ZNF346: variants seen among roughly 807,000 people sequenced by gnomAD.
ZNF346 encodes zinc finger protein 346, also known as double-stranded RNA-binding zinc finger protein JAZ.
Under a neutral mutation model 33.7 loss-of-function variants are expected in ZNF346, and 23 were observed. The ratio of observed to expected loss-of-function variants is 0.68; its 90% confidence interval spans 0.49 to 0.97. The LOEUF (loss-of-function observed/expected upper bound fraction) is 0.97, where lower values mean the gene tolerates loss of function less well. Among genes scored for constraint, ZNF346 ranks in the 50% least tolerant of loss-of-function variants. The pLI, the probability that ZNF346 is intolerant of heterozygous loss-of-function variation, is 0.00. For synonymous variants in ZNF346, 134 were observed against 142.4 expected (o/e 0.94, Z 0.42); for missense variants, 340 against 371.1 (o/e 0.92, Z 0.69).
intron 6 of ZNF346, 42 bp downstream of exon 6, chr5:177,062,193 G>A (rs200697426): frequency 3.2e-5 from 50 of 1,541,016 alleles, no homozygotes; most frequent in Non-Finnish European, 4.4e-5. Flanking sequence ...CATAGCAGGA[G>A]CTCAGGACTT....
At chr5:177,030,854 G>A (rs1777578639) in intron 1 of ZNF346, among the ~76,000 whole-genome samples, 1 of 150,274 alleles carries the variant, frequency 6.7e-6, no homozygotes, top group South Asian at 2.1e-4. Flanking sequence ...CATGTAAATA[G>A]AATTGTATAA....
At chr5:177,072,791 G>A (rs1783567060), downstream of ZNF346, among the ~76,000 whole-genome samples, 1 of 151,240 alleles carries the variant, frequency 6.6e-6, no homozygotes, top group Non-Finnish European at 1.5e-5. Context: ...GGAGGTTGCA[G>A]TGAGCCGAGA....
At chr5:177,072,375 CCTT>C (rs1407795998), downstream of ZNF346, among the ~76,000 whole-genome samples, 1 of 152,194 alleles carries the variant, frequency 6.6e-6, no homozygotes, top group African/African-American at 2.4e-5. Flanking sequence ...GCTCCACAGC[CCTT>C]CTTTTCCTTT....
intron 3 of ZNF346, among the ~76,000 whole-genome samples, chr5:177,042,584 G>A (rs1779476017): frequency 1.3e-5 from 2 of 152,156 alleles, no homozygotes; most frequent in African/African-American, 4.8e-5. Flanking sequence ...CAATAAATAA[G>A]AGTTTACTCT....
At chr5:177,033,800 G>C (rs553305941) in intron 1 of ZNF346, among the ~76,000 whole-genome samples, 6 of 152,222 alleles carry the variant, frequency 3.9e-5, no homozygotes, top group African/African-American at 1.4e-4. Context: ...TAGGATTACA[G>C]GCGTGAGCCA....
intron 4 of ZNF346, among the ~76,000 whole-genome samples, chr5:177,050,289 G>C (rs1378086740): frequency 1.3e-5 from 2 of 152,164 alleles, no homozygotes; most frequent in East Asian, 3.8e-4. Context: ...TCCCAGCTCT[G>C]CAACTGTATT....
At chr5:177,028,141 A>G (rs1247567254) in intron 1 of ZNF346, among the ~76,000 whole-genome samples, 1 of 130,858 alleles carries the variant, frequency 7.6e-6, no homozygotes, top group South Asian at 2.3e-4. Context: ...GGTTCAAGCA[A>G]TTCTCCTGCC....
At chr5:177,047,031 T>TA (rs1491559053) in intron 4 of ZNF346, among the ~76,000 whole-genome samples, 6 of 50,350 alleles carry the variant, frequency 1.2e-4, no homozygotes, top group African/African-American at 6.5e-4. Context: ...TTTATTTATT[T>TA]TTATTTATTT....
chr5:177,060,258 C>G (rs1456511841), intron 5 of ZNF346, among the ~76,000 whole-genome samples: 1 of 152,246 alleles, frequency 6.6e-6, no homozygotes, highest in East Asian at 1.9e-4. Flanking sequence ...CACGGCGGCT[C>G]ACGCCTATAA....
chr5:177,050,910 C>T lies in ZNF346; in HGVS notation c.677C>T (p.Ala226Val), dbSNP rs556850923. Residue 226 changes from alanine to valine, a missense_variant, in exon 5 of 7, where the codon GCG becomes GTG. Transcript: ENST00000358149. ...CTAATGGCACGCTATGGGCGGCTGG[C>T]GGACCCTGCTGTCACTGACTTTCCA... Reference protein sequence around the residue: ...LKLMARYGRLADPAVTDFPAG... With the variant: ...LKLMARYGRLVDPAVTDFPAG... 2.5e-5 allele frequency: 40 copies of T among 1,614,150 alleles called. No individual in the cohort carries two copies. The highest frequency in any genetic ancestry group is 4.5e-5 in the East Asian group (2 of 44,882).
At chr5:177,053,130 A>G (rs1256812607) in intron 5 of ZNF346, among the ~76,000 whole-genome samples, 2 of 152,184 alleles carry the variant, frequency 1.3e-5, no homozygotes, top group African/African-American at 2.4e-5. Context: ...ATCCTGGCCA[A>G]TATGGTGAAA....
At position 177,044,549 on chromosome 5, in the gene ZNF346, A is replaced by G. The variant is rs757204257; in HGVS notation, c.517+16A>G. 1.2e-6 allele frequency: 2 copies of G among 1,613,082 alleles called. No individual in the cohort carries two copies. Among genetic ancestry groups the G allele is most frequent in the Non-Finnish European group, 1.7e-6 (2 of 1,179,846 alleles). On this transcript the variant is annotated intron_variant, in intron 4 of 6. Transcript: ENST00000358149. ...AAGGTGGAAGGTACTGGTTTTCCTG[A>G]GTAGTGCTATAGTGGGACCCCTGCC...
intron 6 of ZNF346, among the ~76,000 whole-genome samples, chr5:177,062,922 T>C (rs554694385): frequency 2.2e-4 from 34 of 152,214 alleles, no homozygotes; most frequent in Non-Finnish European, 4.0e-4. Flanking sequence ...CACAGCATGC[T>C]CTTCCCAAGG....
intron 1 of ZNF346, chr5:177,023,255 C>T (rs1776146526): frequency 1.3e-6 from 2 of 1,497,692 alleles, no homozygotes; most frequent in Non-Finnish European, 9.0e-7. Flanking sequence ...CCGAGTGCCC[C>T]TCACCACTCC....
At chr5:177,054,506 C>G (rs1562016164) in intron 5 of ZNF346, among the ~76,000 whole-genome samples, 1 of 152,234 alleles carries the variant, frequency 6.6e-6, no homozygotes, top group East Asian at 1.9e-4. Context: ...TCAAGCAATT[C>G]TCCTGCCTCA....
chr5:177,036,796 C>T (rs750740426), intron 1 of ZNF346, among the ~76,000 whole-genome samples: 5 of 152,108 alleles, frequency 3.3e-5, no homozygotes, highest in Non-Finnish European at 7.4e-5. Context: ...TGGCTAGCAC[C>T]TTCTTGCCAG....
chr5:177,023,158 A>G (rs1343592532), intron 1 of ZNF346: 4 of 1,531,122 alleles, frequency 2.6e-6, no homozygotes, highest in Middle Eastern at 1.7e-4. Flanking sequence ...CATTCACTAC[A>G]GCGCAGTTTT....
At chr5:177,041,403 C>T (rs1581851106) in intron 2 of ZNF346, among the ~76,000 whole-genome samples, 174 bp downstream of exon 2, 1 of 152,182 alleles carries the variant, frequency 6.6e-6, no homozygotes, top group African/African-American at 2.4e-5. Flanking sequence ...CTCATCTCCC[C>T]CATCCAAATC....
chr5:177,078,033 G>A (rs1783836277), intron 8 of ZNF346, among the ~76,000 whole-genome samples: 1 of 152,130 alleles, frequency 6.6e-6, no homozygotes, highest in Admixed American at 6.6e-5. Context: ...TGTAATCCCA[G>A]CTACTCGGGT....
Sources: gnomAD v4.1 joint callset for allele counts (sites outside exome capture counted in the v4.1 genomes callset) on GRCh38, gnomAD v4.1.1 for gene constraint, MANE v1.5 for transcripts, NCBI Gene and HGNC (gene_info 2026-07-23, HGNC 2026-07-21) for gene names.